The following PCDH15 variants were observed in gnomAD, a reference collection of about 807,000 sequenced individuals.
PCDH15 encodes protocadherin-15.
PCDH15 carries 129 observed loss-of-function variants against 178.5 expected under a neutral mutation model. That is an observed-to-expected ratio of 0.72 (90% CI 0.63 to 0.84). The LOEUF (loss-of-function observed/expected upper bound fraction) is 0.84. Among genes scored for constraint, PCDH15 ranks in the 40% least tolerant of loss-of-function variants. The pLI is 0.00. For synonymous variants in PCDH15, 800 were observed against 732.0 expected (o/e 1.09, Z -1.50); for missense variants, 2,230 against 2,099.9 (o/e 1.06, Z -1.21).
At position 53,806,023 on chromosome 10, in the gene PCDH15, G is replaced by C. The variant is rs1218200177; in HGVS notation, c.*556C>G. The C allele has an allele frequency of 6.7e-6, 1 of 149,704 alleles. No individual in the cohort carries two copies. The highest frequency in any genetic ancestry group is 2.2e-4 in the South Asian group (1 of 4,634). The allele number at this position is 149,704 out of a possible 1,614,324, so 9.3% of individuals were successfully genotyped here. A position where few individuals can be genotyped will look rare whatever the true frequency, so the allele number is the denominator to read the frequency against. On this transcript the variant is annotated 3_prime_UTR_variant, in exon 38 of 38. Coordinates refer to ENST00000644397, the MANE Select transcript of PCDH15 (RefSeq NM_001384140.1). ...ACCTTTATACAGGACAATAAAGAAA[G>C]AAAACAAGCTCATGATTTAAAATAA...
At chr10:54,748,482 T>A (rs952439344) in intron 1 of PCDH15, among the ~76,000 whole-genome samples, 2 of 152,220 alleles carry the variant, frequency 1.3e-5, no homozygotes, top group East Asian at 1.9e-4. Context: ...ATGATTTTTT[T>A]GAAAAAGCTC....
chr10:54,349,735 T>G (rs142697721), intron 5 of PCDH15, among the ~76,000 whole-genome samples: 2 of 152,304 alleles, frequency 1.3e-5, no homozygotes, highest in East Asian at 1.9e-4. Flanking sequence ...TGATTGACTT[T>G]CAAAAAATAT....
intron 25 of PCDH15, among the ~76,000 whole-genome samples, chr10:53,927,565 C>CA (rs2084674004): frequency 6.6e-6 from 1 of 151,926 alleles, no homozygotes; most frequent in Non-Finnish European, 1.5e-5. Flanking sequence ...CGATAAATAT[C>CA]AAAAAGGTGG....
chr10:54,082,447 C>T (rs1426994705), intron 16 of PCDH15, among the ~76,000 whole-genome samples: 1 of 152,102 alleles, frequency 6.6e-6, no homozygotes, highest in Non-Finnish European at 1.5e-5. Context: ...CACACATCTA[C>T]AGTCATCTGA....
At chr10:55,108,163 G>A (rs1182169641) in intron 2 of PCDH15, among the ~76,000 whole-genome samples, 1 of 152,100 alleles carries the variant, frequency 6.6e-6, no homozygotes, top group Non-Finnish European at 1.5e-5. Flanking sequence ...CTGATCTTAT[G>A]CTTCTCAACA....
intron 2 of PCDH15, among the ~76,000 whole-genome samples, chr10:54,638,413 C>A (rs1202968962): frequency 7.2e-5 from 11 of 151,944 alleles, no homozygotes; most frequent in Non-Finnish European, 7.4e-5. Flanking sequence ...TAAGAAATAT[C>A]CCTTCAGAAA....
chr10:53,840,889 A>G (rs549286913), intron 28 of PCDH15, among the ~76,000 whole-genome samples: 1 of 152,214 alleles, frequency 6.6e-6, no homozygotes, highest in African/African-American at 2.4e-5. Flanking sequence ...CTCCCACTAA[A>G]GTCTGTGACA....
intron 1 of PCDH15, among the ~76,000 whole-genome samples, chr10:55,203,299 GATTATT>G (rs969830891): frequency 6.6e-6 from 1 of 151,646 alleles, no homozygotes; most frequent in Non-Finnish European, 1.5e-5. Context: ...CTGATTTCTG[GATTATT>G]ATTATTATTA....
chr10:54,516,500 A>C (rs550228791), intron 3 of PCDH15, among the ~76,000 whole-genome samples: 1 of 152,178 alleles, frequency 6.6e-6, no homozygotes, highest in African/African-American at 2.4e-5. Flanking sequence ...CAAGAAGGGA[A>C]GTTTAGAGAA....
chr10:55,277,856 A>G (rs142991397), intron 1 of PCDH15, among the ~76,000 whole-genome samples: 226 of 152,244 alleles, frequency 1.5e-3, no homozygotes, highest in Non-Finnish European at 2.6e-3. Context: ...AGGACAAATT[A>G]CCACATTTTA....
chr10:54,632,971 A>C (rs1002085882), intron 2 of PCDH15, among the ~76,000 whole-genome samples: 18 of 152,170 alleles, frequency 1.2e-4, no homozygotes, highest in Middle Eastern at 3.2e-3. Context: ...TGGGAATATT[A>C]AAAAGAAACA....
At chr10:55,505,442 AG>A (rs1172009946) in intron 2 of PCDH15, among the ~76,000 whole-genome samples, 16 of 151,328 alleles carry the variant, frequency 1.1e-4, no homozygotes, top group Non-Finnish European at 1.8e-4. Context: ...AATAATTTTA[AG>A]GGAATTAGTA....
At chr10:54,776,312 C>T (rs938880735) in intron 1 of PCDH15, among the ~76,000 whole-genome samples, 31 of 151,962 alleles carry the variant, frequency 2.0e-4, no homozygotes, top group Admixed American at 6.6e-5. Context: ...CTGGTATGAT[C>T]ATTTTAATTT....
chr10:55,036,393 G>C (rs1840734693), intron 2 of PCDH15, among the ~76,000 whole-genome samples: 1 of 152,108 alleles, frequency 6.6e-6, no homozygotes, highest in Admixed American at 6.5e-5. Flanking sequence ...GTTTATTTTA[G>C]AATGTACAAT....
intron 15 of PCDH15, among the ~76,000 whole-genome samples, chr10:54,110,731 T>C (rs2095005121): frequency 6.6e-6 from 1 of 152,198 alleles, no homozygotes; most frequent in Admixed American, 6.5e-5. Context: ...GCTTTGTTCT[T>C]ATGTGTGGGT....
intron 16 of PCDH15, among the ~76,000 whole-genome samples, chr10:54,087,681 T>G (rs538800695): frequency 1.4e-4 from 22 of 152,328 alleles, no homozygotes; most frequent in Admixed American, 1.2e-3. Flanking sequence ...TGCTGGCTTA[T>G]GCGGTAATTC....
chr10:54,676,407 A>G (rs2094791232), intron 1 of PCDH15, among the ~76,000 whole-genome samples: 1 of 152,108 alleles, frequency 6.6e-6, no homozygotes, highest in Non-Finnish European at 1.5e-5. Flanking sequence ...GTCTATTTTA[A>G]TATGTCTTCA....
chr10:55,003,630 A>G lies in PCDH15; in HGVS notation c.-79-106130T>C, dbSNP rs143095176. Among the ~76,000 whole-genome samples the G allele has an allele frequency of 3.4e-3, 515 of 152,334 alleles. 1 individual carries two copies. The highest frequency in any genetic ancestry group is 5.5e-3 in the Non-Finnish European group (372 of 68,028). On this transcript the variant is annotated intron_variant, in intron 2 of 5. Transcript: ENST00000458638. The stretch of plus-strand genomic sequence containing the variant: ...CAATGTGGTTGTTTGCATAAGTTCA[A>G]TAAGAGTATATTTTATGTTATAATA...
At chr10:54,968,862 C>T (rs563970470) in intron 2 of PCDH15, among the ~76,000 whole-genome samples, 4 of 152,170 alleles carry the variant, frequency 2.6e-5, no homozygotes, top group African/African-American at 4.8e-5. Context: ...CTATCTTCAA[C>T]ATCTCTAGCC....
Sources: gnomAD v4.1 joint callset for allele counts (sites outside exome capture counted in the v4.1 genomes callset) on GRCh38, gnomAD v4.1.1 for gene constraint, MANE v1.5 for transcripts, NCBI Gene and HGNC (gene_info 2026-07-23, HGNC 2026-07-21) for gene names.